Variants in ATP2B1 observed in about 807,000 individuals in gnomAD.
The protein encoded by ATP2B1 is plasma membrane calcium-transporting ATPase 1.
A neutral mutation model predicts 124.2 loss-of-function variants in ATP2B1; 14 were observed. The observed-to-expected ratio is 0.11, with a 90% CI of 0.07 to 0.18. The LOEUF is 0.18. Ranked by LOEUF, ATP2B1 falls within the 10% of genes least tolerant of loss-of-function variation. The pLI is 1.00. For missense variants in ATP2B1, 763 were observed against 1,466.1 expected, an observed-to-expected ratio of 0.52 and a Z score of 7.83; for synonymous variants, 449 against 492.4, an observed-to-expected ratio of 0.91 and a Z score of 1.17.
intron 15 of ATP2B1, 34 bp from the exon 16 acceptor site, chr12:89,604,380 G>A: frequency 6.6e-7 from 1 of 1,514,294 alleles, no homozygotes; most frequent in South Asian, 1.2e-5. Flanking sequence ...TAGACTAAAT[G>A]TTTTAAGTAT....
intron 1 of ATP2B1, among the ~76,000 whole-genome samples, chr12:89,678,674 C>T (rs982424572): frequency 6.6e-6 from 1 of 152,198 alleles, no homozygotes; most frequent in Non-Finnish European, 1.5e-5. Context: ...AAAATCAAGA[C>T]TTGCCTTAAG....
intron 13 of ATP2B1, 153 bp from the exon 14 acceptor site, chr12:89,610,661 T>TA (rs1877820581): frequency 1.6e-6 from 1 of 640,602 alleles, no homozygotes; most frequent in African/African-American, 1.8e-5. Context: ...TTCTTGGGCA[T>TA]GGACCCAGAT....
Position 89,599,163 on chromosome 12 carries a change from C to A in ATP2B1, c.3305G>T (p.Arg1102Leu). Residue 1102 changes from arginine (R) to leucine (L), a missense_variant, in exon 20 of 21, where the codon CGT (arginine) becomes CTT (leucine). Coordinates refer to ENST00000428670, the MANE Select transcript of ATP2B1 (RefSeq NM_001366521.1). ...EIDHAERELR[R>L]GQILWFRGLN... ...ACCTCTAAACCACAAGATTTGGCCA[C>A]GCCGCAACTCCCTTTCAGCGTGATC... The A allele has an allele frequency of 6.2e-7, 1 of 1,614,152 alleles. No homozygotes were observed. Among genetic ancestry groups the A allele is most frequent in the Non-Finnish European group, 8.5e-7 (1 of 1,180,028 alleles).
At chr12:89,611,032 T>C (rs1251256679) in intron 13 of ATP2B1, among the ~76,000 whole-genome samples, 161 bp downstream of exon 13, 1 of 152,162 alleles carries the variant, frequency 6.6e-6, no homozygotes, top group East Asian at 1.9e-4. Flanking sequence ...CTTCTCTCTT[T>C]TATCCCTTAG....
intron 1 of ATP2B1, among the ~76,000 whole-genome samples, chr12:89,657,451 A>G (rs1276407737): frequency 6.6e-6 from 1 of 152,182 alleles, no homozygotes; most frequent in African/African-American, 2.4e-5. Flanking sequence ...GTCTGGCTCC[A>G]TTTTACAGAT....
intron 20 of ATP2B1, chr12:89,593,625 T>C (rs1008678578): frequency 6.6e-6 from 1 of 151,984 alleles, no homozygotes; most frequent in Non-Finnish European, 1.5e-5. Context: ...AGTTAGAGAT[T>C]TGAGAGTTAG....
chr12:89,609,997 T>C lies in ATP2B1; in HGVS notation c.2382A>G (p.Val794=), dbSNP rs1462644300. The change falls in exon 15 of 21, where the codon GTA becomes GTG. Residue 794 remains valine (V), a synonymous_variant. Coordinates refer to ENST00000428670, the MANE Select transcript of ATP2B1 (RefSeq NM_001366521.1). ...TVSDQRQVVA[V]TGDGTNDGPA... ...GGCCATCATTTGTACCATCACCAGT[T>C]ACAGCTACAACCTGGCGTTGGTCTG... is the stretch of plus-strand genomic sequence containing the variant. The C allele has an allele frequency of 6.2e-7, 1 of 1,613,688 alleles. No individual in the cohort carries two copies. Among genetic ancestry groups the C allele is most frequent in the Non-Finnish European group, 8.5e-7 (1 of 1,179,788 alleles).
chr12:89,659,801 T>C (rs920210703), intron 1 of ATP2B1, among the ~76,000 whole-genome samples: 5 of 151,382 alleles, frequency 3.3e-5, no homozygotes, highest in African/African-American at 1.2e-4. Flanking sequence ...CAGGCGCCTG[T>C]AGTCCCAGCT....
At chr12:89,667,831 C>T (rs181796419) in intron 1 of ATP2B1, among the ~76,000 whole-genome samples, 182 of 152,294 alleles carry the variant, frequency 1.2e-3, no homozygotes, top group African/African-American at 4.3e-3. Context: ...TCTACAGATT[C>T]GGTGCTATTC....
Position 89,655,908 on chromosome 12 carries a change from G to T in ATP2B1, c.-22C>A. 1 of 1,521,828 alleles carries T rather than the reference G, an allele frequency of 6.6e-7. No individual in the cohort carries two copies. The highest frequency in any genetic ancestry group is 8.8e-7 in the Non-Finnish European group (1 of 1,132,696). 94.3% of individuals were successfully genotyped at this position (1,521,828 alleles called of 1,614,324 possible). On this transcript the variant is annotated 5_prime_UTR_variant, in exon 2 of 21. Coordinates refer to ENST00000428670, the MANE Select transcript of ATP2B1 (RefSeq NM_001366521.1). ...CCATTACAAGTATAATATATCAGAA[G>T]GAAAATGTTTCCCAAAAGAATTTAA...
intron 1 of ATP2B1, among the ~76,000 whole-genome samples, chr12:89,663,940 G>A (rs1449163744): frequency 6.6e-6 from 1 of 152,144 alleles, no homozygotes; most frequent in Non-Finnish European, 1.5e-5. Flanking sequence ...GGATGGCACA[G>A]CAGCCTTTAT....
intron 1 of ATP2B1, among the ~76,000 whole-genome samples, chr12:89,661,258 T>G (rs1460945713): frequency 2.6e-5 from 4 of 152,220 alleles, no homozygotes; most frequent in African/African-American, 9.6e-5. Flanking sequence ...GAGTAATTAC[T>G]GATTTTTTGG....
chr12:89,616,698 A>T, intron 12 of ATP2B1, 104 bp downstream of exon 12: 1 of 1,131,118 alleles, frequency 8.8e-7, no homozygotes, highest in South Asian at 1.6e-5. Context: ...AAAAAAAAAA[A>T]TCACAAACAC....
chr12:89,599,199 A>T lies in ATP2B1; in HGVS notation c.3269T>A (p.Val1090Asp), dbSNP rs773305924. 13 of 1,614,148 alleles carry T rather than the reference A, an allele frequency of 8.1e-6. No individual in the cohort carries two copies. Among genetic ancestry groups the T allele is most frequent in the Non-Finnish European group, 8.5e-7 (1 of 1,180,008 alleles). ...EIPEEELAEDVEEIDHAEREL... is the reference protein window; with the variant it reads ...EIPEEELAEDDEEIDHAEREL... ...CCTTTCAGCGTGATCAATCTCTTCA[A>T]CATCCTCTGCTAATTCCTCCTCAGG... The change falls in exon 20 of 21, where the codon GTT (valine) becomes GAT (aspartate). Residue 1090 changes from valine to aspartate, a missense_variant. Around this residue, in one of 7 missense-constraint regions of ATP2B1, gnomAD observed 118 missense variants for 240.3 expected, o/e 0.49. Transcript: ENST00000428670.
At chr12:89,615,788 G>C (rs1264590365) in intron 12 of ATP2B1, among the ~76,000 whole-genome samples, 1 of 152,142 alleles carries the variant, frequency 6.6e-6, no homozygotes, top group Non-Finnish European at 1.5e-5. Flanking sequence ...ATGTGTTTTA[G>C]ACAAAGCTGG....
intron 9 of ATP2B1, among the ~76,000 whole-genome samples, chr12:89,622,969 T>A (rs775321130): frequency 3.3e-5 from 5 of 152,208 alleles, no homozygotes; most frequent in Non-Finnish European, 7.4e-5. Flanking sequence ...ATGACTGTTC[T>A]ATGTGTCCAA....
rs371983923 is a variant in ATP2B1 at position 89,636,535 on chromosome 12, AACAG to A, written c.407-1288_407-1285del. 3.5e-4 allele frequency among the ~76,000 whole-genome samples: 54 copies of A among 152,328 alleles called. No homozygotes were observed. The East Asian group carries it at 9.1e-3, about 26-fold the overall frequency. On this transcript the variant is annotated intron_variant, in intron 3 of 20. Transcript: ENST00000428670. ...TGTCTGAAAGCCATTGGTTCTCTCA[AACAG>A]ACAAAGCAGGAGGATTATTCAGAAG...
At chr12:89,695,641 T>G (rs893065389) in intron 1 of ATP2B1, among the ~76,000 whole-genome samples, 71 of 152,070 alleles carry the variant, frequency 4.7e-4, no homozygotes, top group African/African-American at 1.6e-3. Flanking sequence ...TTTTCTCCTC[T>G]ATTAAAAAAA....
intron 12 of ATP2B1, 34 bp downstream of exon 12, chr12:89,616,768 T>A (rs541714725): frequency 6.3e-7 from 1 of 1,580,554 alleles, no homozygotes; most frequent in South Asian, 1.1e-5. Flanking sequence ...AGTTATGAGA[T>A]TCTGCACATG....
Sources: allele counts gnomAD v4.1 joint callset (sites outside exome capture counted in the v4.1 genomes callset), GRCh38; gene constraint gnomAD v4.1.1; regional missense constraint gnomAD v4.1.1; transcripts MANE v1.5; gene names NCBI Gene and HGNC (gene_info 2026-07-23, HGNC 2026-07-21).